The following SNTG1 variants were observed in gnomAD, a reference collection of about 807,000 sequenced individuals.
SNTG1 encodes syntrophin gamma 1, also known as gamma-1-syntrophin.
Under a neutral mutation model 74.7 loss-of-function variants are expected in SNTG1, and 39 were observed. That is an observed-to-expected ratio of 0.52 (90% CI 0.40 to 0.68). The LOEUF is 0.68. SNTG1 is among the 30% of genes least tolerant of loss of function. The pLI, the probability that SNTG1 is intolerant of heterozygous loss-of-function variation, is 0.00. For missense variants in SNTG1, 685 were observed against 609.5 expected (o/e 1.12, Z -1.30); for synonymous variants, 254 against 217.1 (o/e 1.17, Z -1.49).
chr8:50,012,139 A>G (rs1043325370), intron 1 of SNTG1, among the ~76,000 whole-genome samples: 34 of 152,124 alleles, frequency 2.2e-4, no homozygotes, highest in African/African-American at 7.7e-4. Context: ...TTTCAATTTT[A>G]AAAAGTGTTT....
intron 1 of SNTG1, among the ~76,000 whole-genome samples, chr8:50,031,404 C>A (rs902217337): frequency 1.3e-5 from 2 of 151,914 alleles, no homozygotes; most frequent in African/African-American, 4.8e-5. Flanking sequence ...GAGTGGATAT[C>A]CTTGCCTTGG....
At chr8:50,289,178 G>A (rs1186107807) in intron 2 of SNTG1, among the ~76,000 whole-genome samples, 1 of 152,040 alleles carries the variant, frequency 6.6e-6, no homozygotes, top group African/African-American at 2.4e-5. Context: ...TCAATCCTTG[G>A]TTGTATGCGG....
At chr8:50,167,884 A>T (rs2082682219) in intron 1 of SNTG1, among the ~76,000 whole-genome samples, 1 of 151,674 alleles carries the variant, frequency 6.6e-6, no homozygotes, top group Non-Finnish European at 1.5e-5. Flanking sequence ...TATTATTTTG[A>T]GAGAGATTTA....
chr8:49,926,648 T>C (rs1329682459), intron 1 of SNTG1, among the ~76,000 whole-genome samples: 1 of 152,106 alleles, frequency 6.6e-6, no homozygotes, highest in Non-Finnish European at 1.5e-5. Context: ...CTTGAAGATA[T>C]CATAAGAGAA....
At chr8:50,257,597 C>T (rs2086948741) in intron 2 of SNTG1, among the ~76,000 whole-genome samples, 1 of 152,168 alleles carries the variant, frequency 6.6e-6, no homozygotes, top group South Asian at 2.1e-4. Context: ...ACATTTGTGC[C>T]TGAGATTCAA....
intron 1 of SNTG1, among the ~76,000 whole-genome samples, chr8:50,074,143 G>A (rs759002268): frequency 6.6e-6 from 1 of 151,988 alleles, no homozygotes; most frequent in African/African-American, 2.4e-5. Context: ...CTGTTGTTTA[G>A]TGTAACCACC....
chr8:50,513,449 ACAGGGATATTTAAGTCTG>A (rs1168133053), intron 9 of SNTG1, among the ~76,000 whole-genome samples: 1 of 152,232 alleles, frequency 6.6e-6, no homozygotes, highest in African/African-American at 2.4e-5. Flanking sequence ...AAGCTGTCAG[ACAGGGATATTTAAGTCTG>A]CAGAGGATTC....
At chr8:50,183,002 G>A (rs10957814) in intron 2 of SNTG1, among the ~76,000 whole-genome samples, 44,964 of 151,872 alleles carry the variant, frequency 0.3, 6,760 homozygotes, top group South Asian at 0.43. Context: ...CGCATACCAA[G>A]TGGTGGCCAA....
intron 2 of SNTG1, among the ~76,000 whole-genome samples, chr8:50,216,615 A>G (rs2084804777): frequency 6.6e-6 from 1 of 152,194 alleles, no homozygotes; most frequent in Non-Finnish European, 1.5e-5. Context: ...ACTAGACAGT[A>G]TAATTAAAGG....
chr8:50,252,286 G>C (rs1033294524), intron 2 of SNTG1, among the ~76,000 whole-genome samples: 41 of 152,094 alleles, frequency 2.7e-4, no homozygotes, highest in African/African-American at 8.2e-4. Context: ...CAACCTAATT[G>C]TATAACTCAA....
Position 50,262,575 on chromosome 8 carries a change from A to AT in SNTG1, c.-28+89947dup, listed in dbSNP as rs548878102. ...AGGCACCCACCACCACGCCCAGCTA[A>AT]TTTTTTTATATTTTTAGTAGAGACG... On this transcript the variant is annotated intron_variant, in intron 2 of 18. Coordinates refer to ENST00000642720, the MANE Select transcript of SNTG1 (RefSeq NM_018967.5). Among the ~76,000 whole-genome samples the AT allele has an allele frequency of 5.3e-4, 80 of 152,026 alleles. No individual in the cohort carries two copies. In the East Asian group the frequency reaches 0.014, roughly 27 times the overall value.
chr8:50,734,861 CTATATATATGGACATATATATA>C (rs2095523158), intron 17 of SNTG1, among the ~76,000 whole-genome samples: 1 of 109,180 alleles, frequency 9.2e-6, no homozygotes, highest in African/African-American at 3.9e-5. Context: ...ATATATATAT[CTATATATATGGACATATATATA>C]TCTATATATA....
chr8:50,397,529 A>G (rs1436038460), intron 3 of SNTG1, among the ~76,000 whole-genome samples: 1 of 152,190 alleles, frequency 6.6e-6, no homozygotes, highest in Non-Finnish European at 1.5e-5. Flanking sequence ...GTCTCCTAGT[A>G]GCGTGGCTTT....
intron 13 of SNTG1, among the ~76,000 whole-genome samples, chr8:50,597,296 C>T (rs1002714223): frequency 4.1e-4 from 61 of 150,170 alleles, no homozygotes; most frequent in African/African-American, 1.3e-3. Context: ...TATATACACA[C>T]ACATATATAT....
intron 10 of SNTG1, among the ~76,000 whole-genome samples, chr8:50,533,666 A>T (rs965971273): frequency 1.3e-5 from 2 of 152,204 alleles, no homozygotes; most frequent in African/African-American, 4.8e-5. Context: ...CTTGTGTTCC[A>T]CTGTAAATAA....
intron 1 of SNTG1, among the ~76,000 whole-genome samples, chr8:50,027,226 G>A (rs959936530): frequency 7.2e-5 from 11 of 152,078 alleles, no homozygotes; most frequent in Non-Finnish European, 4.4e-5. Flanking sequence ...ACCTCTCAAG[G>A]CTGCTTGCTC....
chr8:50,791,082 C>T (rs1227435315), intron 18 of SNTG1, among the ~76,000 whole-genome samples: 2 of 151,858 alleles, frequency 1.3e-5, no homozygotes, highest in Admixed American at 1.3e-4. Context: ...AAACCTTTCA[C>T]ATTAGGTGGA....
chr8:50,472,814 TAAC>T (rs200850363), intron 8 of SNTG1, among the ~76,000 whole-genome samples: 1,801 of 151,894 alleles, frequency 0.012, 45 homozygotes, highest in African/African-American at 0.041. Flanking sequence ...GAACTACATT[TAAC>T]AACAACAACA....
At chr8:50,435,926 C>A (rs1292391155) in intron 4 of SNTG1, among the ~76,000 whole-genome samples, 1 of 152,096 alleles carries the variant, frequency 6.6e-6, no homozygotes, top group Non-Finnish European at 1.5e-5. Flanking sequence ...GCTTGTAGAG[C>A]ATGAGTAAAG....
Sources: gnomAD v4.1 joint callset for allele counts (sites outside exome capture counted in the v4.1 genomes callset) on GRCh38, gnomAD v4.1.1 for gene constraint, MANE v1.5 for transcripts, NCBI Gene and HGNC (gene_info 2026-07-23, HGNC 2026-07-21) for gene names.